Variants in PALMD observed in about 807,000 individuals in gnomAD.
PALMD encodes palmdelphin.
A neutral mutation model predicts 56.2 loss-of-function variants in PALMD; 42 were observed. That is an observed-to-expected ratio of 0.75 (90% confidence interval 0.58 to 0.97). The LOEUF (loss-of-function observed/expected upper bound fraction) is 0.97, where lower values mean the gene tolerates loss of function less well. PALMD is among the 50% of genes least tolerant of loss of function. The probability of loss-of-function intolerance (pLI) is 0.00; values close to 1 mark genes in which losing one functional copy is unlikely to be tolerated. For synonymous variants in PALMD, 242 were observed against 222.9 expected (o/e 1.09, Z -0.76); for missense variants, 660 against 643.8 (o/e 1.03, Z -0.27).
chr1:99,664,948 T>C (rs1220793101), intron 2 of PALMD, among the ~76,000 whole-genome samples: 1 of 152,188 alleles, frequency 6.6e-6, no homozygotes, highest in East Asian at 1.9e-4. Flanking sequence ...CTCCTGAACC[T>C]GATGATCATT....
At chr1:99,654,057 G>C (rs1479415487) in intron 1 of PALMD, among the ~76,000 whole-genome samples, 1 of 151,846 alleles carries the variant, frequency 6.6e-6, no homozygotes, top group African/African-American at 2.4e-5. Flanking sequence ...AAGGAAGAAA[G>C]AAAATAATAA....
intron 1 of PALMD, among the ~76,000 whole-genome samples, chr1:99,650,284 TGAAAAAAAAA>T (rs1652535998): frequency 1.8e-4 from 8 of 44,680 alleles, no homozygotes; most frequent in Non-Finnish European, 1.8e-4. Flanking sequence ...CTGCTCATAA[TGAAAAAAAAA>T]AAAAAAAAAA....
At position 99,694,216 on chromosome 1, in the gene PALMD, T is replaced by C; in HGVS notation, c.*154T>C. On this transcript the variant is annotated 3_prime_UTR_variant, in exon 8 of 8. Transcript: ENST00000263174. ...CCATGTGAATAAGTAGTAGTCATTATTTGTGAAAAATTCCCAAAAAGCTGG... is the reference window on the plus strand; with the variant it reads ...CCATGTGAATAAGTAGTAGTCATTACTTGTGAAAAATTCCCAAAAAGCTGG... 2 of 471,970 alleles carry C rather than the reference T, an allele frequency of 4.2e-6. No homozygotes were observed. Among genetic ancestry groups the C allele is most frequent in the South Asian group, 1.0e-4 (2 of 19,928 alleles). 29.2% of individuals were successfully genotyped at this position (471,970 alleles called of 1,614,324 possible).
At chr1:99,683,022 A>G (rs1038250682) in intron 3 of PALMD, among the ~76,000 whole-genome samples, 1 of 16,970 alleles carries the variant, frequency 5.9e-5, no homozygotes, top group Non-Finnish European at 9.6e-5. Context: ...GAAAGAAGGA[A>G]AGAAAGAAAG....
intron 3 of PALMD, among the ~76,000 whole-genome samples, chr1:99,678,452 T>C (rs948827946): frequency 2.0e-5 from 3 of 152,100 alleles, no homozygotes; most frequent in South Asian, 4.1e-4. Context: ...AGCCCTGTTG[T>C]AGGGGTTTAT....
intron 3 of PALMD, 123 bp downstream of exon 3, chr1:99,667,889 T>C (rs1019132424): frequency 3.0e-6 from 3 of 1,000,128 alleles, no homozygotes; most frequent in African/African-American, 1.6e-5. Context: ...TTTCTTTTTT[T>C]TTTTTTTAAG....
At chr1:99,663,613 C>T (rs1200085052) in intron 2 of PALMD, among the ~76,000 whole-genome samples, 2 of 151,890 alleles carry the variant, frequency 1.3e-5, no homozygotes, top group Non-Finnish European at 2.9e-5. Context: ...ATCACACACA[C>T]AATACACACA....
chr1:99,676,973 T>G (rs1653227038), intron 3 of PALMD, among the ~76,000 whole-genome samples: 1 of 152,162 alleles, frequency 6.6e-6, no homozygotes, highest in Non-Finnish European at 1.5e-5. Flanking sequence ...ATAACTAAAG[T>G]CAACTGTATG....
At chr1:99,672,318 G>A (rs12064298) in intron 3 of PALMD, among the ~76,000 whole-genome samples, 1,634 of 152,138 alleles carry the variant, frequency 0.011, 31 homozygotes, top group African/African-American at 0.038. Context: ...TATATTGAAC[G>A]TCTCCTTCTG....
At chr1:99,693,737 CTG>C (rs1303094555) in intron 7 of PALMD, among the ~76,000 whole-genome samples, 5 of 152,280 alleles carry the variant, frequency 3.3e-5, no homozygotes, top group African/African-American at 9.6e-5. Flanking sequence ...AATAGGGAAA[CTG>C]TGCATTAATC....
chr1:99,654,929 C>T (rs1652685546), intron 1 of PALMD, among the ~76,000 whole-genome samples: 1 of 151,890 alleles, frequency 6.6e-6, no homozygotes, highest in Non-Finnish European at 1.5e-5. Context: ...CAAAGTCCAA[C>T]TAGAAAAACA....
intron 1 of PALMD, among the ~76,000 whole-genome samples, chr1:99,652,552 T>C (rs1182422821): frequency 6.6e-6 from 1 of 151,260 alleles, no homozygotes; most frequent in African/African-American, 2.4e-5. Flanking sequence ...TGCAGTGAGC[T>C]GTGATTGCGT....
At chr1:99,648,179 T>C (rs1003735805) in intron 1 of PALMD, among the ~76,000 whole-genome samples, 1 of 152,172 alleles carries the variant, frequency 6.6e-6, no homozygotes, top group Non-Finnish European at 1.5e-5. Context: ...AATATACTTG[T>C]ATAAAGGTTG....
chr1:99,664,731 G>A (rs985313568), intron 2 of PALMD, among the ~76,000 whole-genome samples: 1 of 152,088 alleles, frequency 6.6e-6, no homozygotes, highest in East Asian at 1.9e-4. Flanking sequence ...AGCTCTGTTG[G>A]CCTCTATAGC....
rs549935783 is a variant in PALMD at position 99,660,418 on chromosome 1, A to T, written c.46-1901A>T. On this transcript the variant is annotated intron_variant, in intron 1 of 7. Transcript: ENST00000263174. ...TTTTTCAAATGGAAATTAGCATAGT[A>T]TCTCTTTGTTATGACAAGTATTAAG... Among the ~76,000 whole-genome samples the T allele has an allele frequency of 1.0e-3, 153 of 152,348 alleles. 7 individuals are homozygous for T. The South Asian group carries it at 0.031, about 31-fold the overall frequency.
intron 7 of PALMD, among the ~76,000 whole-genome samples, 161 bp from the exon 8 acceptor site, chr1:99,693,858 A>G (rs929527646): frequency 1.3e-5 from 2 of 152,164 alleles, no homozygotes; most frequent in African/African-American, 4.8e-5. Context: ...ACCATAGCTT[A>G]TTATTTCTAC....
intron 1 of PALMD, among the ~76,000 whole-genome samples, chr1:99,657,896 T>C (rs1170670880): frequency 6.6e-6 from 1 of 152,204 alleles, no homozygotes; most frequent in African/African-American, 2.4e-5. Flanking sequence ...CAGATGCTAC[T>C]CCAAAGCTTC....
Position 99,682,735 on chromosome 1 carries a change from C to T in PALMD, c.252-3941C>T, listed in dbSNP as rs114612048. Among the ~76,000 whole-genome samples, 1,446 of 151,890 alleles carry T rather than the reference C, an allele frequency of 9.5e-3. 26 individuals are homozygous for T. Among genetic ancestry groups the T allele is most frequent in the African/African-American group, 0.033 (1,354 of 41,444 alleles). Reference sequence around the variant, plus strand: ...ACAGGAAGAAACTAGCTGAAGTCATCGGGCTCATGCCTGTAATCCCAGCAC... The same window carrying T: ...ACAGGAAGAAACTAGCTGAAGTCATTGGGCTCATGCCTGTAATCCCAGCAC... On this transcript the variant is annotated intron_variant, in intron 3 of 7. Transcript: ENST00000263174.
chr1:99,651,882 G>C (rs936066564), intron 1 of PALMD, among the ~76,000 whole-genome samples: 10 of 152,178 alleles, frequency 6.6e-5, no homozygotes, highest in African/African-American at 1.9e-4. Flanking sequence ...TAAGCATCAA[G>C]TTTTCAATCT....
Sources: gnomAD v4.1 joint callset for allele counts (sites outside exome capture counted in the v4.1 genomes callset) on GRCh38, gnomAD v4.1.1 for gene constraint, MANE v1.5 for transcripts, NCBI Gene and HGNC (gene_info 2026-07-23, HGNC 2026-07-21) for gene names.